The following RNF38 variants were observed in gnomAD, a reference collection of about 807,000 sequenced individuals.
The protein encoded by RNF38 is ring finger protein 38.
Under a neutral mutation model 67.2 loss-of-function variants are expected in RNF38, and 15 were observed. The ratio of observed to expected loss-of-function variants is 0.22; its 90% CI spans 0.15 to 0.34. The LOEUF (loss-of-function observed/expected upper bound fraction) is 0.34. Ranked by LOEUF, RNF38 falls within the 10% of genes least tolerant of loss-of-function variation. RNF38 has a pLI of 1.00. For missense variants in RNF38, 524 were observed against 639.9 expected (o/e 0.82, Z 1.95); for synonymous variants, 220 against 218.8 (o/e 1.01, Z -0.05).
intron 1 of RNF38, among the ~76,000 whole-genome samples, chr9:36,397,081 G>GTGTATATATA (rs147500340): frequency 3.5e-5 from 5 of 141,666 alleles, no homozygotes; most frequent in South Asian, 2.2e-4. Context: ...ATGTGTGTGT[G>GTGTATATATA]TATATATATA....
chr9:36,419,810 C>T (rs892681845), intron 2 of RNF38, among the ~76,000 whole-genome samples: 1 of 151,892 alleles, frequency 6.6e-6, no homozygotes, highest in South Asian at 2.1e-4. Flanking sequence ...TAACAAAGTG[C>T]GACCCTGTCA....
At chr9:36,350,586 A>C (rs897806738) in intron 9 of RNF38, among the ~76,000 whole-genome samples, 2 of 152,224 alleles carry the variant, frequency 1.3e-5, no homozygotes, top group Non-Finnish European at 2.9e-5. Context: ...ATTATTTAAG[A>C]TCTAGCTCAA....
chr9:36,465,921 A>G (rs1228219134), intron 1 of RNF38, among the ~76,000 whole-genome samples: 1 of 152,094 alleles, frequency 6.6e-6, no homozygotes, highest in African/African-American at 2.4e-5. Flanking sequence ...GCATGGTGGC[A>G]GGCACCTGTA....
In RNF38 at chr9:36,345,277, G is replaced by A. The variant is rs571416860; in HGVS notation, c.1264-324C>T. On this transcript the variant is annotated intron_variant, in intron 9 of 11. Transcript: ENST00000259605. ...GAACCTTGATCTATCCATTACGCAG[G>A]TCAATAGTCCATGGCTAATCTTTTA... Among the ~76,000 whole-genome samples the A allele has an allele frequency of 2.0e-5, 3 of 152,226 alleles. No individual in the cohort carries two copies. In the South Asian group the frequency reaches 6.2e-4, roughly 32 times the overall value.
In RNF38 at chr9:36,341,181, TC is replaced by T. The variant is rs528202374; in HGVS notation, c.1485+1143del. 1.3e-4 allele frequency among the ~76,000 whole-genome samples: 20 copies of T among 152,298 alleles called. No individual in the cohort carries two copies. The East Asian group carries it at 3.9e-3, about 29-fold the overall frequency. ...TTTTATCTCTGAACACCTTTTCTTT[TC>T]CCACTCTTCCTCACATTCCAACTAT... On this transcript the variant is annotated intron_variant, in intron 11 of 11. Transcript: ENST00000259605.
intron 1 of RNF38, among the ~76,000 whole-genome samples, chr9:36,434,899 C>A (rs1839026511): frequency 6.6e-6 from 1 of 150,802 alleles, no homozygotes; most frequent in African/African-American, 2.4e-5. Flanking sequence ...AGCAGGTGAT[C>A]AATATTTGCT....
chr9:36,365,178 T>C (rs1834846511), intron 4 of RNF38, among the ~76,000 whole-genome samples: 1 of 152,154 alleles, frequency 6.6e-6, no homozygotes, highest in Non-Finnish European at 1.5e-5. Context: ...ACTGAAAATT[T>C]ATTTGGGATT....
At chr9:36,424,606 A>G (rs1477156560) in intron 2 of RNF38, 2 of 984,650 alleles carry the variant, frequency 2.0e-6, no homozygotes, top group African/African-American at 3.5e-5. Context: ...ATCAACACGA[A>G]CCTCACCTTG....
chr9:36,375,963 T>C lies in RNF38; in HGVS notation c.327A>G (p.Arg109=), dbSNP rs1022139899. ...TTCTGTTGCGTGCAGGTGTGTTGCA[T>C]CGTTCCCCTGAGAAGTGATGTTGGC... ...RPSQHHFSGE[R]CNTPARNRRS... is the part of the protein sequence containing the mutation. The change falls in exon 3 of 12, where the codon CGA becomes CGG. Residue 109 remains arginine (R), a synonymous_variant. Coordinates refer to ENST00000259605, the MANE Select transcript of RNF38 (RefSeq NM_022781.5). 1.9e-6 allele frequency: 3 copies of C among 1,613,038 alleles called. No individual in the cohort carries two copies. The highest frequency in any genetic ancestry group is 4.5e-5 in the East Asian group (2 of 44,856).
At chr9:36,390,436 C>G (rs1250285652) in intron 2 of RNF38, 31 bp downstream of exon 2, 1 of 1,579,266 alleles carries the variant, frequency 6.3e-7, no homozygotes, top group Non-Finnish European at 8.6e-7. Flanking sequence ...ACTTTCAGCC[C>G]TATGTAGGGA....
chr9:36,469,805 G>A (rs900089541), intron 1 of RNF38, among the ~76,000 whole-genome samples: 3 of 151,982 alleles, frequency 2.0e-5, no homozygotes, highest in African/African-American at 2.4e-5. Flanking sequence ...GCGAAAACCC[G>A]TCTCTACTAC....
intron 1 of RNF38, among the ~76,000 whole-genome samples, chr9:36,399,054 T>G (rs1174702947): frequency 6.6e-6 from 1 of 152,232 alleles, no homozygotes; most frequent in African/African-American, 2.4e-5. Context: ...ACACTCTACA[T>G]TATGATGCTA....
chr9:36,400,224 G>C lies in RNF38; in HGVS notation c.-116C>G. 5.4e-6 allele frequency: 8 copies of C among 1,479,312 alleles called. No individual in the cohort carries two copies. Among genetic ancestry groups the C allele is most frequent in the Non-Finnish European group, 6.3e-6 (7 of 1,115,124 alleles). 91.6% of individuals were successfully genotyped at this position (1,479,312 alleles called of 1,614,324 possible). On this transcript the variant is annotated 5_prime_UTR_variant, in exon 1 of 12. Coordinates refer to ENST00000259605, the MANE Select transcript of RNF38 (RefSeq NM_022781.5). ...CTGAAAGGAAGAACTTGCATCCCCT[G>C]AGAACAAAACGCAGCCTATCCAGAA... is the stretch of plus-strand genomic sequence containing the variant.
At chr9:36,427,109 A>G (rs1838791896) in intron 1 of RNF38, among the ~76,000 whole-genome samples, 1 of 152,192 alleles carries the variant, frequency 6.6e-6, no homozygotes. Context: ...AAGAGATAAC[A>G]TGTCTGTCTC....
chr9:36,355,497 C>T (rs1834033131), intron 6 of RNF38, among the ~76,000 whole-genome samples: 1 of 152,152 alleles, frequency 6.6e-6, no homozygotes, highest in African/African-American at 2.4e-5. Flanking sequence ...TTCATCACAA[C>T]ATAGTGAAAA....
chr9:36,452,871 T>C (rs1056905579), intron 1 of RNF38, among the ~76,000 whole-genome samples: 30 of 152,226 alleles, frequency 2.0e-4, no homozygotes, highest in Admixed American at 5.9e-4. Context: ...TGCCATTGTA[T>C]GGGCATACTA....
Position 36,465,396 on chromosome 9 carries a change from G to T in RNF38, n.241+21912C>A, listed in dbSNP as rs189392345. Among the ~76,000 whole-genome samples the T allele has an allele frequency of 1.0e-3, 157 of 152,042 alleles. 1 individual carries two copies. Among genetic ancestry groups the T allele is most frequent in the Non-Finnish European group, 7.1e-4 (48 of 67,986 alleles). On this transcript the variant is annotated intron_variant and non_coding_transcript_variant, in intron 1 of 3. Transcript: ENST00000488058. ...AGTTTCGCTCTTGTTGCCCAGGCTGGAGTGCAATGGCACAATCTCGGCTCA... is the reference window on the plus strand; with the variant it reads ...AGTTTCGCTCTTGTTGCCCAGGCTGTAGTGCAATGGCACAATCTCGGCTCA...
chr9:36,360,007 A>C (rs958983640), intron 4 of RNF38, among the ~76,000 whole-genome samples: 2 of 151,988 alleles, frequency 1.3e-5, no homozygotes, highest in African/African-American at 4.8e-5. Flanking sequence ...AGCCTCCCAA[A>C]GTGTTAGGAT....
At chr9:36,410,276 A>C (rs1394219676) in intron 2 of RNF38, among the ~76,000 whole-genome samples, 1 of 152,210 alleles carries the variant, frequency 6.6e-6, no homozygotes, top group Admixed American at 6.5e-5. Context: ...ACCTAAAGGC[A>C]ATGAAACACT....
Sources: allele counts gnomAD v4.1 joint callset (sites outside exome capture counted in the v4.1 genomes callset), GRCh38; gene constraint gnomAD v4.1.1; transcripts MANE v1.5; gene names NCBI Gene and HGNC (gene_info 2026-07-23, HGNC 2026-07-21).